Variants in TBC1D32 observed in about 807,000 individuals in gnomAD.
The protein encoded by TBC1D32 is protein broad-minded.
In TBC1D32, 151 loss-of-function variants were observed where a neutral mutation model predicts 170.3. The ratio of observed to expected loss-of-function variants is 0.89; its 90% CI spans 0.78 to 1.01. TBC1D32 has a LOEUF of 1.01. TBC1D32 is among the 50% of genes least tolerant of loss of function. The pLI, the probability that TBC1D32 is intolerant of heterozygous loss-of-function variation, is 0.00. For synonymous variants in TBC1D32, 498 were observed against 488.0 expected (o/e 1.02, Z -0.27); for missense variants, 1,464 against 1,457.1 (o/e 1.00, Z -0.08).
chr6:121,122,924 G>T (rs1046659085), intron 26 of TBC1D32, among the ~76,000 whole-genome samples: 1 of 152,018 alleles, frequency 6.6e-6, no homozygotes, highest in African/African-American at 2.4e-5. Context: ...GTAAGATCAT[G>T]GGTACCATGA....
chr6:121,266,245 T>C (rs1193245842), intron 15 of TBC1D32, among the ~76,000 whole-genome samples: 1 of 151,760 alleles, frequency 6.6e-6, no homozygotes, highest in African/African-American at 2.4e-5. Flanking sequence ...AGCAACCCCA[T>C]CAAAAAGTAG....
At position 121,113,184 on chromosome 6, in the gene TBC1D32, T is replaced by A; in HGVS notation, c.3054-7A>T. 6.4e-7 allele frequency: 1 copy of A among 1,565,156 alleles called. No individual in the cohort carries two copies. Among genetic ancestry groups the A allele is most frequent in the Non-Finnish European group, 8.7e-7 (1 of 1,150,208 alleles). ...ACTGAGGAATTTGCCATACCTATAT[T>A]AAAAGCCCACAAAACATAAAACATA... On this transcript the variant is annotated splice_polypyrimidine_tract_variant and splice_region_variant and intron_variant, in intron 27 of 31. Coordinates refer to ENST00000398212, the MANE Select transcript of TBC1D32 (RefSeq NM_152730.6).
chr6:121,328,389 C>T (rs2128512138), intron 1 of TBC1D32, among the ~76,000 whole-genome samples: 1 of 152,000 alleles, frequency 6.6e-6, no homozygotes, highest in African/African-American at 2.4e-5. Flanking sequence ...AGGTTCACGC[C>T]ATTCTCCTGC....
intron 14 of TBC1D32, 121 bp from the exon 15 acceptor site, chr6:121,279,366 T>G: frequency 8.6e-7 from 1 of 1,167,664 alleles, no homozygotes; most frequent in Non-Finnish European, 1.2e-6. Context: ...AAAAACAAGC[T>G]TAATGATTTG....
At position 121,292,190 on chromosome 6, in the gene TBC1D32, T is replaced by C; in HGVS notation, c.1235A>G (p.Asn412Ser). The C allele has an allele frequency of 6.3e-7, 1 of 1,586,038 alleles. No homozygotes were observed. Among genetic ancestry groups the C allele is most frequent in the Non-Finnish European group, 8.6e-7 (1 of 1,165,842 alleles). ...ETLGHSKHCRNKQKTFYYLGQ... is the reference protein window; with the variant it reads ...ETLGHSKHCRSKQKTFYYLGQ... ...TAAGTAGTAGAAAGTTTTCTGCTTG[T>C]TTCCTTAAAAGAGAAGCAAACACGA... The change falls in exon 12 of 32, where the codon AAC (asparagine) becomes AGC (serine). Residue 412 changes from asparagine (N) to serine (S), a missense_variant. Around this residue, in one of 3 missense-constraint regions of TBC1D32, gnomAD observed 1,363 missense variants for 1,338.1 expected, o/e 1.02. Coordinates refer to ENST00000398212, the MANE Select transcript of TBC1D32 (RefSeq NM_152730.6).
intron 10 of TBC1D32, among the ~76,000 whole-genome samples, chr6:121,295,748 T>C (rs1346788265): frequency 1.3e-5 from 2 of 152,142 alleles, no homozygotes; most frequent in Non-Finnish European, 2.9e-5. Flanking sequence ...AAGAAGCAAG[T>C]TCATAATTGT....
At chr6:121,290,541 C>T (rs1301495625) in intron 12 of TBC1D32, among the ~76,000 whole-genome samples, 4 of 152,124 alleles carry the variant, frequency 2.6e-5, no homozygotes, top group African/African-American at 9.7e-5. Context: ...AACACTTTTA[C>T]ACTGTTGGTG....
intron 21 of TBC1D32, among the ~76,000 whole-genome samples, chr6:121,211,765 C>A (rs1224510101): frequency 3.9e-5 from 6 of 152,106 alleles, no homozygotes; most frequent in Admixed American, 2.0e-4. Context: ...GCTGGAAAGA[C>A]TACACCCCTC....
chr6:121,109,899 G>GA (rs1779040861), intron 29 of TBC1D32, among the ~76,000 whole-genome samples: 3 of 151,594 alleles, frequency 2.0e-5, no homozygotes, highest in African/African-American at 7.3e-5. Flanking sequence ...GAATGCAGGG[G>GA]ATCTAATATC....
rs149924089 is a variant in TBC1D32 at position 121,192,810 on chromosome 6, TC to T, written c.2570+12264del. Among the ~76,000 whole-genome samples the T allele has an allele frequency of 7.0e-3, 1,058 of 152,112 alleles. 12 individuals are homozygous for T. Among genetic ancestry groups the T allele is most frequent in the Middle Eastern group, 0.048 (14 of 294 alleles). On this transcript the variant is annotated intron_variant, in intron 22 of 31. Transcript: ENST00000398212. The stretch of plus-strand genomic sequence containing the variant: ...CATCCCCAGTAGTGGCAACATCTCC[TC>T]CCTGACCCATGCTGCCATCAGTCTT...
At chr6:121,140,760 A>C (rs970595462) in intron 24 of TBC1D32, among the ~76,000 whole-genome samples, 1 of 152,166 alleles carries the variant, frequency 6.6e-6, no homozygotes, top group Non-Finnish European at 1.5e-5. Context: ...ATAAAAATGT[A>C]AAGTACCACT....
intron 20 of TBC1D32, among the ~76,000 whole-genome samples, chr6:121,229,276 C>T (rs75243605): frequency 0.024 from 3,663 of 152,144 alleles, 164 homozygotes; most frequent in East Asian, 0.12. Flanking sequence ...TATCTAGACA[C>T]TATAATTTTG....
intron 22 of TBC1D32, among the ~76,000 whole-genome samples, chr6:121,188,566 T>A (rs1247303222): frequency 1.3e-5 from 2 of 152,108 alleles, no homozygotes; most frequent in East Asian, 3.9e-4. Context: ...GGCTGAAAGT[T>A]AAACAAATCA....
chr6:121,239,658 A>T (rs1563031036), intron 19 of TBC1D32, among the ~76,000 whole-genome samples: 1 of 151,334 alleles, frequency 6.6e-6, no homozygotes, highest in Non-Finnish European at 1.5e-5. Context: ...AATATAACTA[A>T]TTTTTTTTTG....
chr6:121,236,488 A>C (rs1266672461), intron 20 of TBC1D32, among the ~76,000 whole-genome samples: 1 of 152,082 alleles, frequency 6.6e-6, no homozygotes, highest in Non-Finnish European at 1.5e-5. Flanking sequence ...TGTTTTCCAC[A>C]ATTTAAAAGA....
intron 24 of TBC1D32, among the ~76,000 whole-genome samples, chr6:121,141,834 T>C (rs954173059): frequency 1.3e-5 from 2 of 152,168 alleles, no homozygotes; most frequent in Non-Finnish European, 2.9e-5. Context: ...ACAAACCTTT[T>C]TAAAAAGCCG....
intron 4 of TBC1D32, among the ~76,000 whole-genome samples, chr6:121,309,152 G>A (rs1358328242): frequency 6.6e-6 from 1 of 152,096 alleles, no homozygotes; most frequent in Non-Finnish European, 1.5e-5. Flanking sequence ...AACTTTATTT[G>A]TGATAGGCAG....
chr6:121,161,102 T>G, intron 22 of TBC1D32, 46 bp from the exon 23 acceptor site: 1 of 1,391,526 alleles, frequency 7.2e-7, no homozygotes, highest in Non-Finnish European at 1.0e-6. Context: ...TGATTGAATA[T>G]GTGTTAATTT....
At chr6:121,081,310 T>C (rs1050566596) in intron 31 of TBC1D32, among the ~76,000 whole-genome samples, 23 of 152,140 alleles carry the variant, frequency 1.5e-4, no homozygotes, top group African/African-American at 5.3e-4. Flanking sequence ...CCTCCAAGAA[T>C]CTGCAATTAC....
Sources: allele counts gnomAD v4.1 joint callset (sites outside exome capture counted in the v4.1 genomes callset), GRCh38; gene constraint gnomAD v4.1.1; regional missense constraint gnomAD v4.1.1; transcripts MANE v1.5; gene names NCBI Gene and HGNC (gene_info 2026-07-23, HGNC 2026-07-21).